SAXO1: variants seen among roughly 807,000 people sequenced by gnomAD.
SAXO1 encodes the protein 4930500O09Rik.
A neutral mutation model predicts 17.5 loss-of-function variants in SAXO1; 21 were observed. That is an observed-to-expected ratio of 1.20 (90% confidence interval 0.85 to 1.72). The LOEUF (loss-of-function observed/expected upper bound fraction) is 1.72. SAXO1 is among the 40% of genes most tolerant of loss of function. SAXO1 has a pLI of 0.00. For synonymous variants in SAXO1, 274 were observed against 216.5 expected, an observed-to-expected ratio of 1.27 and a Z score of -2.33; for missense variants, 843 against 596.0, an observed-to-expected ratio of 1.41 and a Z score of -4.32.
chr9:19,003,383 G>A (rs1032068023), intron 1 of SAXO1, among the ~76,000 whole-genome samples: 5 of 152,056 alleles, frequency 3.3e-5, no homozygotes, highest in African/African-American at 9.7e-5. Context: ...CACAGAATTG[G>A]AAAAAACTAC....
rs137933014 is a variant in SAXO1, at chr9:19,005,793, T to G, written c.38+27078A>C. Among the ~76,000 whole-genome samples, 533 of 152,258 alleles carry G rather than the reference T, an allele frequency of 3.5e-3. 1 individual carries two copies. Among genetic ancestry groups the G allele is most frequent in the African/African-American group, 0.012 (509 of 41,552 alleles). On this transcript the variant is annotated intron_variant, in intron 1 of 3. Coordinates refer to ENST00000380534, the MANE Select transcript of SAXO1 (RefSeq NM_153707.4). Reference sequence around the variant, plus strand: ...ATTGGTCTTCATCGAAATTAGAAACTTCTGTGTAAACAACGCTATCAAGAC... The same window carrying G: ...ATTGGTCTTCATCGAAATTAGAAACGTCTGTGTAAACAACGCTATCAAGAC...
chr9:18,943,879 C>A (rs1033981226), intron 2 of SAXO1, among the ~76,000 whole-genome samples: 1 of 152,212 alleles, frequency 6.6e-6, no homozygotes, highest in African/African-American at 2.4e-5. Context: ...GGACCCTGCA[C>A]ACAGAGTCCA....
chr9:19,006,855 G>A (rs1834501175), intron 1 of SAXO1, among the ~76,000 whole-genome samples: 2 of 152,038 alleles, frequency 1.3e-5, no homozygotes, highest in South Asian at 2.1e-4. Flanking sequence ...AGACCAGCCT[G>A]GCCAAATGGT....
upstream of SAXO1, among the ~76,000 whole-genome samples, chr9:19,034,587 CCA>C (rs1835886866): frequency 6.6e-6 from 1 of 152,030 alleles, no homozygotes; most frequent in African/African-American, 2.4e-5. Context: ...AGTTCCAACC[CCA>C]GTTATAGGAA....
At chr9:19,012,781 G>C (rs533381028) in intron 1 of SAXO1, among the ~76,000 whole-genome samples, 1 of 152,156 alleles carries the variant, frequency 6.6e-6, no homozygotes, top group Admixed American at 6.5e-5. Flanking sequence ...GGCACTCTCA[G>C]TAGATCTGTC....
chr9:18,960,185 C>G (rs538239145), intron 1 of SAXO1, among the ~76,000 whole-genome samples: 99 of 152,280 alleles, frequency 6.5e-4, no homozygotes, highest in African/African-American at 2.1e-3. Flanking sequence ...TTAGAGAAAC[C>G]TCTTCAAGAA....
intron 1 of SAXO1, among the ~76,000 whole-genome samples, chr9:18,990,271 G>T (rs1464607440): frequency 1.3e-5 from 2 of 151,848 alleles, no homozygotes; most frequent in Admixed American, 6.6e-5. Flanking sequence ...ATATTCAAAG[G>T]GTATAACAAA....
At chr9:19,048,252 T>G (rs1008524777) in intron 1 of SAXO1, among the ~76,000 whole-genome samples, 2 of 152,088 alleles carry the variant, frequency 1.3e-5, no homozygotes, top group African/African-American at 4.8e-5. Flanking sequence ...CTGGCTTGAG[T>G]TCCAGACCAG....
chr9:19,026,954 C>A, intron 1 of SAXO1: 1 of 882,098 alleles, frequency 1.1e-6, no homozygotes, highest in Non-Finnish European at 1.9e-6. Flanking sequence ...TCAACATGTC[C>A]ACGGAGGAGA....
intron 2 of SAXO1, among the ~76,000 whole-genome samples, chr9:18,943,504 G>T (rs1159780247): frequency 6.6e-6 from 1 of 152,148 alleles, no homozygotes; most frequent in Non-Finnish European, 1.5e-5. Flanking sequence ...AAGTCCTTAG[G>T]CTACAAAGAC....
chr9:18,941,780 A>G lies in SAXO1; in HGVS notation c.278T>C (p.Val93Ala), dbSNP rs1303642203. Residue 93 changes from valine (V) to alanine (A), a missense_variant, in exon 3 of 4, where the codon GTC becomes GCC. Coordinates refer to ENST00000380534, the MANE Select transcript of SAXO1 (RefSeq NM_153707.4). ...PVKVHQYDQFVPSEENMDLLT... is the reference protein window; with the variant it reads ...PVKVHQYDQFAPSEENMDLLT... ...CAAATCCATATTCTCTTCACTCGGG[A>G]CGAACTGGTCATACTGGTGGACCTT... 6.2e-7 allele frequency: 1 copy of G among 1,614,176 alleles called. No homozygotes were observed. Among genetic ancestry groups the G allele is most frequent in the South Asian group, 1.1e-5 (1 of 91,088 alleles).
At chr9:18,994,720 G>T (rs533738295) in intron 1 of SAXO1, among the ~76,000 whole-genome samples, 1 of 152,162 alleles carries the variant, frequency 6.6e-6, no homozygotes, top group Admixed American at 6.5e-5. Context: ...CAAAAGGAAG[G>T]GCTGCCCCCA....
At position 18,928,515 on chromosome 9, in the gene SAXO1, G is replaced by T; in HGVS notation, c.962C>A (p.Ser321Tyr). 2 of 1,613,970 alleles carry T rather than the reference G, an allele frequency of 1.2e-6. No individual in the cohort carries two copies. Among genetic ancestry groups the T allele is most frequent in the African/African-American group, 1.3e-5 (1 of 75,032 alleles). Reference sequence around the variant, plus strand: ...CTTAATCTGAAGTGCAGGTCGGCAGGACTGAGCTGGGGCACCCTTAGGGCA... The same window carrying T: ...CTTAATCTGAAGTGCAGGTCGGCAGTACTGAGCTGGGGCACCCTTAGGGCA... ...YTCPKGAPAQ[S>Y]CRPALQIKKC... The change falls in exon 4 of 4, where the codon TCC (serine) becomes TAC (tyrosine). Residue 321 changes from serine to tyrosine, a missense_variant. Ser to Tyr is a moderately radical substitution (Grantham distance 144). Coordinates refer to ENST00000380534, the MANE Select transcript of SAXO1 (RefSeq NM_153707.4).
intron 1 of SAXO1, among the ~76,000 whole-genome samples, chr9:18,951,394 T>C (rs1832034818): frequency 6.6e-6 from 1 of 152,138 alleles, no homozygotes; most frequent in Non-Finnish European, 1.5e-5. Context: ...ACTGGTTAGC[T>C]CCTGGGTCAA....
At position 18,996,193 on chromosome 9, in the gene SAXO1, G is replaced by A. The variant is rs545777545; in HGVS notation, c.38+36678C>T. 1.7e-4 allele frequency among the ~76,000 whole-genome samples: 26 copies of A among 152,100 alleles called. No homozygotes were observed. In the Middle Eastern group the frequency reaches 0.014, roughly 81 times the overall value. ...ATCATCCATTCCTCACAATTATCCA[G>A]ATGTTGCCACACTTGCTTTATCAAT... On this transcript the variant is annotated intron_variant, in intron 1 of 3. Coordinates refer to ENST00000380534, the MANE Select transcript of SAXO1 (RefSeq NM_153707.4).
chr9:19,046,161 G>A (rs1428184795), intron 1 of SAXO1, among the ~76,000 whole-genome samples: 1 of 150,130 alleles, frequency 6.7e-6, no homozygotes, highest in Admixed American at 6.6e-5. Context: ...AAGACTAAAC[G>A]GGATAAAAAC....
chr9:19,034,800 C>G (rs1835893426), upstream of SAXO1, among the ~76,000 whole-genome samples: 2 of 152,204 alleles, frequency 1.3e-5, no homozygotes, highest in African/African-American at 4.8e-5. Context: ...TGACAGAGAA[C>G]ATCACACAGT....
In SAXO1 at chr9:19,047,093, G is replaced by A. The variant is rs144393520; in HGVS notation, c.-158+2116C>T. ...TACCAGCTACTCGGGAGGCTGAGCC[G>A]GGAGAATGGCTTGAATCTGGGAGGC... On this transcript the variant is annotated intron_variant, in intron 1 of 3. Coordinates refer to the SAXO1 transcript ENST00000542071. 3.8e-4 allele frequency among the ~76,000 whole-genome samples: 58 copies of A among 152,202 alleles called. No homozygotes were observed. The East Asian group carries it at 6.0e-3, about 16-fold the overall frequency.
rs961928280 is a variant in SAXO1, at chr9:18,928,325, G to C, written c.1152C>G (p.Ile384Met). 2 of 1,613,412 alleles carry C rather than the reference G, an allele frequency of 1.2e-6. No individual in the cohort carries two copies. The highest frequency in any genetic ancestry group is 2.7e-5 in the African/African-American group (2 of 74,860). Residue 384 changes from isoleucine (I) to methionine (M), a missense_variant, in exon 4 of 4, where the codon ATC becomes ATG. Transcript: ENST00000380534. ...TRAHYVPHLP[I>M]NTKSCKPHWS... ...AATGAGGCTTACAGCTTTTGGTATTGATAGGCAGGTGGGGCACATAGTGGG... is the reference window on the plus strand; with the variant it reads ...AATGAGGCTTACAGCTTTTGGTATTCATAGGCAGGTGGGGCACATAGTGGG...
Sources: allele counts gnomAD v4.1 joint callset (sites outside exome capture counted in the v4.1 genomes callset), GRCh38; gene constraint gnomAD v4.1.1; transcripts MANE v1.5; gene names NCBI Gene and HGNC (gene_info 2026-07-23, HGNC 2026-07-21).